GALNT18: variants seen among roughly 807,000 people sequenced by gnomAD.
GALNT18 encodes the protein polypeptide N-acetylgalactosaminyltransferase 18, also known as GalNAc-transferase 18.
A neutral mutation model predicts 69.5 loss-of-function variants in GALNT18; 44 were observed. The observed-to-expected ratio is 0.63, with a 90% CI of 0.50 to 0.81. The LOEUF (loss-of-function observed/expected upper bound fraction) is 0.81. GALNT18 is among the 40% of genes least tolerant of loss of function. The probability of loss-of-function intolerance (pLI) is 0.00; values close to 1 mark genes in which losing one functional copy is unlikely to be tolerated. For synonymous variants in GALNT18, 364 were observed against 318.2 expected (o/e 1.14, Z -1.53); for missense variants, 715 against 810.0 (o/e 0.88, Z 1.42).
chr11:11,345,159 C>A (rs982698828), intron 6 of GALNT18, among the ~76,000 whole-genome samples: 2 of 152,130 alleles, frequency 1.3e-5, no homozygotes, highest in Non-Finnish European at 1.5e-5. Context: ...CATTTCCAGT[C>A]TCCTCCCTTC....
rs930736959 is a variant in GALNT18, at chr11:11,542,413, T to A, written c.235+78946A>T. Among the ~76,000 whole-genome samples the A allele has an allele frequency of 6.6e-6, 1 of 152,200 alleles. No homozygotes were observed. The highest frequency in any genetic ancestry group is 1.5e-5 in the Non-Finnish European group (1 of 68,048). ...CTACATGTTTCTTTATATATCTGTC[T>A]CCACCCTGTACCACCCATTCCAGCA... is the stretch of plus-strand genomic sequence containing the variant. On this transcript the variant is annotated intron_variant, in intron 1 of 10. Coordinates refer to ENST00000227756, the MANE Select transcript of GALNT18 (RefSeq NM_198516.3). This position sits in a 1 kb window ranked among gnomAD's most constrained non-coding sequence, Gnocchi z 4.3.
rs1856874959 is a variant in GALNT18 at position 11,496,851 on chromosome 11, C to T, written c.236-47915G>A. On this transcript the variant is annotated intron_variant, in intron 1 of 10. Coordinates refer to ENST00000227756, the MANE Select transcript of GALNT18 (RefSeq NM_198516.3). The surrounding 1 kb of genome is among the most constrained non-coding windows in gnomAD (Gnocchi z 4.0). Reference sequence around the variant, plus strand: ...CACTTCTACGCCAGTTCCCTCACCCCCTGCCACCCATCAACCACAGTAACC... The same window carrying T: ...CACTTCTACGCCAGTTCCCTCACCCTCTGCCACCCATCAACCACAGTAACC... Among the ~76,000 whole-genome samples, 1 of 152,180 alleles carries T rather than the reference C, an allele frequency of 6.6e-6. No homozygotes were observed. The highest frequency in any genetic ancestry group is 2.4e-5 in the African/African-American group (1 of 41,532).
At chr11:11,559,498 G>A (rs1260804224) in intron 1 of GALNT18, among the ~76,000 whole-genome samples, 2 of 152,184 alleles carry the variant, frequency 1.3e-5, no homozygotes, top group African/African-American at 2.4e-5. Flanking sequence ...TCTCATGAGT[G>A]TTTAAGGCAT....
At chr11:11,330,301 A>C (rs1216057071) in intron 8 of GALNT18, among the ~76,000 whole-genome samples, 2 of 152,238 alleles carry the variant, frequency 1.3e-5, no homozygotes, top group Non-Finnish European at 2.9e-5. Context: ...GCCCCTGAAA[A>C]GACATCTGGT....
At chr11:11,333,186 G>A (rs1377603886) in intron 7 of GALNT18, among the ~76,000 whole-genome samples, 1 of 152,006 alleles carries the variant, frequency 6.6e-6, no homozygotes, top group Non-Finnish European at 1.5e-5. Flanking sequence ...CAAGATGAGA[G>A]ATTCTGAGCT....
chr11:11,271,902 C>T (rs143270827), intron 10 of GALNT18, among the ~76,000 whole-genome samples: 1 of 152,342 alleles, frequency 6.6e-6, no homozygotes, highest in African/African-American at 2.4e-5. Flanking sequence ...TTCTGCTCCT[C>T]ATATCAGCCC....
rs1234162041 is a variant in GALNT18, at chr11:11,596,629, A to G, written c.235+24730T>C. 1.3e-5 allele frequency among the ~76,000 whole-genome samples: 2 copies of G among 152,052 alleles called. No individual in the cohort carries two copies. The highest frequency in any genetic ancestry group is 2.9e-5 in the Non-Finnish European group (2 of 67,970). ...TTTATTCTTTTTGATTCCATTATAC[A>G]TGATTTTTTATAGTTTGTTTTCAGA... On this transcript the variant is annotated intron_variant, in intron 1 of 10. Transcript: ENST00000227756. This position sits in a 1 kb window ranked among gnomAD's most constrained non-coding sequence, Gnocchi z 4.2.
chr11:11,517,126 C>A (rs1326571956), intron 1 of GALNT18, among the ~76,000 whole-genome samples: 1 of 152,230 alleles, frequency 6.6e-6, no homozygotes, highest in Admixed American at 6.5e-5. Flanking sequence ...GACACTGAAC[C>A]TGCTGGGGCT....
At chr11:11,519,484 C>T (rs918990553) in intron 1 of GALNT18, among the ~76,000 whole-genome samples, 3 of 152,130 alleles carry the variant, frequency 2.0e-5, no homozygotes, top group African/African-American at 4.8e-5. Flanking sequence ...TGATGCAGTC[C>T]GTAGAGATCA....
chr11:11,392,722 A>C (rs1854224724), intron 3 of GALNT18, among the ~76,000 whole-genome samples: 1 of 152,230 alleles, frequency 6.6e-6, no homozygotes, highest in South Asian at 2.1e-4. Flanking sequence ...GGGCTCACCA[A>C]GTTTGTTTCA....
chr11:11,549,414 C>T (rs1448623748), intron 1 of GALNT18, among the ~76,000 whole-genome samples: 2 of 152,220 alleles, frequency 1.3e-5, no homozygotes, highest in East Asian at 1.9e-4. Context: ...GTCTGCACTT[C>T]TAGGAATCTT....
At chr11:11,293,689 G>A (rs937586126) in intron 9 of GALNT18, among the ~76,000 whole-genome samples, 1 of 151,652 alleles carries the variant, frequency 6.6e-6, no homozygotes, top group Non-Finnish European at 1.5e-5. Context: ...TTACAGATGC[G>A]CACCACCATG....
intron 10 of GALNT18, among the ~76,000 whole-genome samples, chr11:11,284,633 A>C (rs1480089934): frequency 1.3e-5 from 2 of 152,184 alleles, no homozygotes; most frequent in African/African-American, 2.4e-5. Flanking sequence ...TGTATTCCAA[A>C]TACTTCTCTG....
rs544264413 is a variant in GALNT18, at chr11:11,604,547, C to A, written c.235+16812G>T. Among the ~76,000 whole-genome samples the A allele has an allele frequency of 2.1e-3, 314 of 152,318 alleles. 1 individual carries two copies. Among genetic ancestry groups the A allele is most frequent in the Non-Finnish European group, 3.8e-3 (259 of 68,038 alleles). On this transcript the variant is annotated intron_variant, in intron 1 of 10. Transcript: ENST00000227756. The surrounding 1 kb of genome is among the most constrained non-coding windows in gnomAD (Gnocchi z 5.6). Reference sequence around the variant, plus strand: ...TGAGGCAAGTCCAAGTGACTCCAGACCCCGCCTGGCACCAAGTCTGCATGG... The same window carrying A: ...TGAGGCAAGTCCAAGTGACTCCAGAACCCGCCTGGCACCAAGTCTGCATGG...
chr11:11,487,409 GAAATAAAAAATGTAAAAAATA>G (rs1369504037), intron 1 of GALNT18, among the ~76,000 whole-genome samples: 1 of 151,730 alleles, frequency 6.6e-6, no homozygotes, highest in African/African-American at 2.4e-5. Flanking sequence ...AAAAACTATG[GAAATAAAAAATGTAAAAAATA>G]AAATAAAAAA....
intron 6 of GALNT18, chr11:11,352,288 G>A (rs766873321): frequency 2.8e-4 from 448 of 1,613,960 alleles, no homozygotes; most frequent in Non-Finnish European, 3.4e-4. Flanking sequence ...CATCGCTTTC[G>A]AGAGTGTCTG....
In GALNT18 at chr11:11,523,963, G is replaced by A. The variant is rs1391423462; in HGVS notation, c.236-75027C>T. On this transcript the variant is annotated intron_variant, in intron 1 of 10. Coordinates refer to ENST00000227756, the MANE Select transcript of GALNT18 (RefSeq NM_198516.3). This position sits in a 1 kb window ranked among gnomAD's most constrained non-coding sequence, Gnocchi z 4.3. The stretch of plus-strand genomic sequence containing the variant: ...GGCACTGCCAATACTGTGGATACTG[G>A]GCACTGCATTGCAGCTACCAGCACC... Among the ~76,000 whole-genome samples the A allele has an allele frequency of 5.3e-5, 8 of 151,980 alleles. No individual in the cohort carries two copies. Among genetic ancestry groups the A allele is most frequent in the Non-Finnish European group, 1.0e-4 (7 of 68,010 alleles).
rs554941643 is a variant in GALNT18, at chr11:11,377,085, C to T, written c.977+97G>A. On this transcript the variant is annotated intron_variant, in intron 5 of 10. Transcript: ENST00000227756. This position sits in a 1 kb window ranked among gnomAD's most constrained non-coding sequence, Gnocchi z 4.6. The stretch of plus-strand genomic sequence containing the variant: ...ACCCTGCCCACCCCTGTCATCCCCA[C>T]GATGGGGCTCAAGTTGGAGAATAAG... The T allele has an allele frequency of 1.1e-4, 138 of 1,206,208 alleles. No homozygotes were observed. The African/African-American group carries it at 1.7e-3, about 15-fold the overall frequency. The allele number at this position is 1,206,208 out of a possible 1,614,324, so 74.7% of individuals were successfully genotyped here.
chr11:11,448,734 C>A lies in GALNT18; in HGVS notation c.428+10G>T. ...AGGTCGACAAGGGCCCAGTCACTGA[C>A]TCTGCTCACCCACTGGGTCTGAGGT... On this transcript the variant is annotated intron_variant, in intron 2 of 10. Transcript: ENST00000227756. 6.2e-7 allele frequency: 1 copy of A among 1,604,096 alleles called. No individual in the cohort carries two copies. The highest frequency in any genetic ancestry group is 8.5e-7 in the Non-Finnish European group (1 of 1,174,548).
Sources: allele counts gnomAD v4.1 joint callset (sites outside exome capture counted in the v4.1 genomes callset), GRCh38; gene constraint gnomAD v4.1.1; non-coding constraint Gnocchi (gnomAD v3.1); transcripts MANE v1.5; gene names NCBI Gene and HGNC (gene_info 2026-07-23, HGNC 2026-07-21).